TNPO3: variants seen among roughly 807,000 people sequenced by gnomAD.
TNPO3 encodes transportin-3.
A neutral mutation model predicts 122.8 loss-of-function variants in TNPO3; 65 were observed. The observed-to-expected ratio is 0.53, with a 90% CI of 0.43 to 0.65. TNPO3 has a LOEUF of 0.65. Among genes scored for constraint, TNPO3 ranks in the 30% least tolerant of loss-of-function variants. The pLI, the probability that TNPO3 is intolerant of heterozygous loss-of-function variation, is 0.00. For synonymous variants in TNPO3, 372 were observed against 411.2 expected, an observed-to-expected ratio of 0.90 and a Z score of 1.15; for missense variants, 850 against 1,136.7, an observed-to-expected ratio of 0.75 and a Z score of 3.63.
intron 13 of TNPO3, 102 bp downstream of exon 13, chr7:128,984,066 T>C (rs1345964716): frequency 1.6e-6 from 1 of 642,576 alleles, no homozygotes; most frequent in Non-Finnish European, 2.4e-6. Flanking sequence ...TTTCTTGGAT[T>C]TTCTAGGTAG....
chr7:129,039,393 C>T (rs1056050597), intron 1 of TNPO3, among the ~76,000 whole-genome samples: 17 of 152,050 alleles, frequency 1.1e-4, no homozygotes, highest in African/African-American at 3.9e-4. Context: ...GAAACCCCAT[C>T]TCTAGAAAAA....
intron 1 of TNPO3, among the ~76,000 whole-genome samples, chr7:129,049,534 T>G (rs1486339382): frequency 6.6e-6 from 1 of 152,212 alleles, no homozygotes; most frequent in East Asian, 1.9e-4. Context: ...GTCAATGAAC[T>G]GAGGTTTTGA....
rs1563092762 is a variant in TNPO3, at chr7:128,982,325, C to G, written c.1783-1G>C. 6.2e-7 allele frequency: 1 copy of G among 1,612,486 alleles called. No individual in the cohort carries two copies. The highest frequency in any genetic ancestry group is 8.5e-7 in the Non-Finnish European group (1 of 1,178,996). ...CATTGCTGGGCTCTTGAGACAACAGCTGAAGAGACAAAAGGACATTAACAC... is the reference window on the plus strand; with the variant it reads ...CATTGCTGGGCTCTTGAGACAACAGGTGAAGAGACAAAAGGACATTAACAC... On this transcript the variant is annotated splice_acceptor_variant, in intron 13 of 22. Transcript: ENST00000265388. LOFTEE classifies it high-confidence loss of function.
At chr7:128,987,020 A>C (rs1800234195) in intron 11 of TNPO3, 100 bp from the exon 12 acceptor site, 1 of 1,257,472 alleles carries the variant, frequency 8.0e-7, no homozygotes, top group South Asian at 1.6e-5. Flanking sequence ...TTTTAAAGCA[A>C]AAGAACCCTT....
At chr7:129,028,912 G>A (rs1483471054) in intron 1 of TNPO3, 1 of 411,772 alleles carries the variant, frequency 2.4e-6, no homozygotes. Flanking sequence ...TAATAATGAA[G>A]AGTTTCACTG....
At chr7:129,017,089 A>G in intron 2 of TNPO3, 33 bp from the exon 3 acceptor site, 3 of 1,555,278 alleles carry the variant, frequency 1.9e-6, no homozygotes, top group Non-Finnish European at 2.6e-6. Flanking sequence ...ATGAAGACAG[A>G]TGAACAGAAA....
intron 1 of TNPO3, among the ~76,000 whole-genome samples, chr7:129,047,082 T>G (rs1007530857): frequency 6.6e-6 from 1 of 152,242 alleles, no homozygotes; most frequent in African/African-American, 2.4e-5. Context: ...ACTTAGTCTA[T>G]CAAAGCATGA....
chr7:128,961,296 T>C (rs1797428822), intron 21 of TNPO3, among the ~76,000 whole-genome samples: 1 of 152,286 alleles, frequency 6.6e-6, no homozygotes, highest in East Asian at 1.9e-4. Flanking sequence ...ATTTTTACTG[T>C]ACCTTTTCTA....
At chr7:129,028,992 C>A in intron 1 of TNPO3, 1 of 433,708 alleles carries the variant, frequency 2.3e-6, no homozygotes, top group Non-Finnish European at 4.5e-6. Flanking sequence ...GAATTTTCTT[C>A]TGATGATGAT....
chr7:129,018,194 C>T (rs376078040), intron 1 of TNPO3, 37 bp from the exon 2 acceptor site: 197 of 1,592,354 alleles, frequency 1.2e-4, no homozygotes, highest in Non-Finnish European at 1.2e-4. Flanking sequence ...TTAAAGAAGA[C>T]TACTTTTCTA....
At chr7:129,015,956 A>G (rs1005809726) in intron 3 of TNPO3, among the ~76,000 whole-genome samples, 11 of 152,092 alleles carry the variant, frequency 7.2e-5, no homozygotes, top group African/African-American at 9.7e-5. Flanking sequence ...TTATTTAAAA[A>G]ATAAGCTATC....
chr7:129,043,629 T>G (rs1807671213), intron 1 of TNPO3, among the ~76,000 whole-genome samples: 1 of 152,216 alleles, frequency 6.6e-6, no homozygotes, highest in African/African-American at 2.4e-5. Flanking sequence ...CCCCAATTTT[T>G]TCATGACAAG....
Position 128,979,048 on chromosome 7 carries a change from G to A in TNPO3, c.1996C>T (p.Leu666=). The change falls in exon 16 of 23, where the codon CTG becomes TTG. Residue 666 remains leucine, a synonymous_variant. Transcript: ENST00000265388. ...CCTACACAGCGAACAGCAAAGCGCA[G>A]GCACCTGCAACAACGCTCTACAATC... ...NRIVERCCRC[L]RFAVRCVGKG... 1 of 1,614,254 alleles carries A rather than the reference G, an allele frequency of 6.2e-7. No individual in the cohort carries two copies. Among genetic ancestry groups the A allele is most frequent in the Non-Finnish European group, 8.5e-7 (1 of 1,180,040 alleles).
chr7:128,980,944 C>T (rs192287249), intron 14 of TNPO3, among the ~76,000 whole-genome samples: 7 of 151,930 alleles, frequency 4.6e-5, no homozygotes, highest in African/African-American at 9.6e-5. Context: ...CTGTCTAGTT[C>T]GATAGCTCAC....
intron 9 of TNPO3, 50 bp from the exon 10 acceptor site, chr7:128,992,140 C>A (rs376824287): frequency 2.8e-6 from 3 of 1,069,480 alleles, no homozygotes; most frequent in Non-Finnish European, 2.7e-6. Context: ...AAACAGAATG[C>A]CAAAACAAAC....
At chr7:129,017,339 T>C (rs1803964377) in intron 2 of TNPO3, among the ~76,000 whole-genome samples, 1 of 152,120 alleles carries the variant, frequency 6.6e-6, no homozygotes, top group Non-Finnish European at 1.5e-5. Context: ...AATATATCAA[T>C]ATTTACTTTT....
chr7:129,054,610 C>G (rs1809256308), intron 1 of TNPO3, 41 bp downstream of exon 1: 1 of 1,610,000 alleles, frequency 6.2e-7, no homozygotes, highest in East Asian at 2.2e-5. Context: ...TCCACCCCGC[C>G]CCGGCCGTGC....
intron 4 of TNPO3, among the ~76,000 whole-genome samples, chr7:129,005,620 G>A (rs928075409): frequency 1.4e-4 from 21 of 151,424 alleles, no homozygotes; most frequent in African/African-American, 4.9e-4. Context: ...CTCTCCTGCC[G>A]GCCGTGTGAA....
chr7:129,002,375 C>T (rs1802031335), intron 5 of TNPO3, among the ~76,000 whole-genome samples: 1 of 152,110 alleles, frequency 6.6e-6, no homozygotes. Context: ...TCAGAGCAGA[C>T]CAAAAGGTCC....
Sources: gnomAD v4.1 joint callset for allele counts (sites outside exome capture counted in the v4.1 genomes callset) on GRCh38, gnomAD v4.1.1 for gene constraint, MANE v1.5 for transcripts, NCBI Gene and HGNC (gene_info 2026-07-23, HGNC 2026-07-21) for gene names.